Variants in METTL8 observed in about 807,000 individuals in gnomAD.
The protein encoded by METTL8 is methyltransferase 8, tRNA N3-cytidine, also known as tRNA N(3)-cytidine methyltransferase METTL8, mitochondrial.
In METTL8, 32 loss-of-function variants were observed where a neutral mutation model predicts 48.7. The ratio of observed to expected loss-of-function variants is 0.66; its 90% CI spans 0.50 to 0.88. The LOEUF (loss-of-function observed/expected upper bound fraction) is 0.88, where lower values mean the gene tolerates loss of function less well. Ranked by LOEUF, METTL8 falls within the 40% of genes least tolerant of loss-of-function variation. The pLI is 0.00. For missense variants in METTL8, 464 were observed against 474.4 expected (o/e 0.98, Z 0.20); for synonymous variants, 136 against 157.1 (o/e 0.87, Z 1.01).
At chr2:171,373,492 A>C (rs187214728) in intron 2 of METTL8, among the ~76,000 whole-genome samples, 55 of 151,752 alleles carry the variant, frequency 3.6e-4, no homozygotes, top group Non-Finnish European at 6.5e-4. Flanking sequence ...TAATTAGATC[A>C]CATTTGTCAA....
At chr2:171,397,269 T>G (rs1349536296) in intron 1 of METTL8, among the ~76,000 whole-genome samples, 2 of 144,316 alleles carry the variant, frequency 1.4e-5, no homozygotes, top group East Asian at 4.4e-4. Flanking sequence ...ATCTCAGAGC[T>G]TTGGGAGGGA....
intron 2 of METTL8, among the ~76,000 whole-genome samples, chr2:171,387,883 C>T (rs62181356): frequency 0.18 from 26,976 of 152,042 alleles, 2,961 homozygotes; most frequent in Admixed American, 0.28. Context: ...CCTTCCTAGC[C>T]CCAGAGATGC....
At position 171,398,635 on chromosome 2, in the gene METTL8, G is replaced by A. The variant is rs1016620950; in HGVS notation, c.-12-6438C>T. On this transcript the variant is annotated intron_variant, in intron 1 of 9. Coordinates refer to ENST00000375258, the MANE Select transcript of METTL8 (RefSeq NM_001321154.2). ...CTACAGATCTAATGTACAATACGAG[G>A]ACTACAGTTAATAATATTGTATTAT... Among the ~76,000 whole-genome samples, 3 of 152,154 alleles carry A rather than the reference G, an allele frequency of 2.0e-5. No homozygotes were observed. In the South Asian group the frequency reaches 6.2e-4, roughly 32 times the overall value.
At chr2:171,330,793 T>C in intron 6 of METTL8, 95 bp from the exon 7 acceptor site, 1 of 1,016,732 alleles carries the variant, frequency 9.8e-7, no homozygotes, top group Non-Finnish European at 1.4e-6. Context: ...TTTAACCTTT[T>C]CTCCCAAAAG....
intron 2 of METTL8, among the ~76,000 whole-genome samples, chr2:171,365,555 A>G (rs1270393625): frequency 6.6e-6 from 1 of 152,080 alleles, no homozygotes; most frequent in Admixed American, 6.6e-5. Flanking sequence ...TTTCTTTCTA[A>G]TTCCTTTGTC....
At chr2:171,363,814 A>ATGTATATATATATATATATATATATATAT (rs1450355003) in intron 2 of METTL8, among the ~76,000 whole-genome samples, 1 of 131,184 alleles carries the variant, frequency 7.6e-6, no homozygotes, top group African/African-American at 2.7e-5. Flanking sequence ...ATATATATAT[A>ATGTATATATATATATATATATATATATAT]TCTTTTTTTT....
intron 3 of METTL8, among the ~76,000 whole-genome samples, chr2:171,347,064 G>A (rs1683343848): frequency 6.6e-6 from 1 of 152,202 alleles, no homozygotes; most frequent in South Asian, 2.1e-4. Flanking sequence ...TCCCTGCAGT[G>A]GTCCCCTGAC....
chr2:171,380,347 G>T (rs752974689), intron 2 of METTL8, among the ~76,000 whole-genome samples: 1 of 152,194 alleles, frequency 6.6e-6, no homozygotes, highest in South Asian at 2.1e-4. Flanking sequence ...ATAAGACAAG[G>T]ATGCCCTCTC....
intron 4 of METTL8, 21 bp from the exon 5 acceptor site, chr2:171,337,523 A>C (rs776605733): frequency 1.1e-5 from 17 of 1,586,128 alleles, no homozygotes; most frequent in Non-Finnish European, 1.4e-5. Flanking sequence ...AAGAACAAGC[A>C]AATATCAAAA....
chr2:171,393,432 T>TTA (rs1317762999), intron 1 of METTL8, among the ~76,000 whole-genome samples: 68 of 140,212 alleles, frequency 4.8e-4, no homozygotes, highest in African/African-American at 1.8e-3. Context: ...AAAAGCATGC[T>TTA]TATACCCTAG....
At chr2:171,330,250 G>A (rs773490895) in intron 7 of METTL8, among the ~76,000 whole-genome samples, 11 of 152,162 alleles carry the variant, frequency 7.2e-5, no homozygotes, top group Non-Finnish European at 1.5e-4. Context: ...TCCCTCTTGG[G>A]AGTCTATTAG....
chr2:171,325,759 A>G, intron 9 of METTL8, 82 bp downstream of exon 9: 1 of 832,452 alleles, frequency 1.2e-6, no homozygotes, highest in Non-Finnish European at 1.9e-6. Flanking sequence ...CCTCAGTTTC[A>G]TAGCTTCTGA....
chr2:171,351,701 A>C (rs567575889), intron 3 of METTL8, among the ~76,000 whole-genome samples: 182 of 152,200 alleles, frequency 1.2e-3, no homozygotes, highest in Non-Finnish European at 2.0e-3. Context: ...TTGGATTCCT[A>C]GGTATTTTAT....
rs575389164 is a variant in METTL8 at position 171,431,522 on chromosome 2, A to G, written c.-13+2361T>C. Among the ~76,000 whole-genome samples, 11 of 152,320 alleles carry G rather than the reference A, an allele frequency of 7.2e-5. No homozygotes were observed. The South Asian group carries it at 2.3e-3, about 32-fold the overall frequency. On this transcript the variant is annotated intron_variant, in intron 1 of 9. Coordinates refer to ENST00000375258, the MANE Select transcript of METTL8 (RefSeq NM_001321154.2). ...AGACCTAGCTGAGCTAAGAGCAAAA[A>G]TCCTGCATCAAGAGCTGTTTTGTTG...
intron 5 of METTL8, among the ~76,000 whole-genome samples, chr2:171,334,384 C>G (rs1685870080): frequency 6.6e-6 from 1 of 152,116 alleles, no homozygotes; most frequent in Admixed American, 6.6e-5. Flanking sequence ...GTAAAATCAG[C>G]TGACTACCTT....
intron 2 of METTL8, among the ~76,000 whole-genome samples, chr2:171,379,676 C>A (rs374287098): frequency 6.6e-5 from 10 of 152,228 alleles, no homozygotes; most frequent in African/African-American, 2.2e-4. Flanking sequence ...TTCCTGGACA[C>A]GTACACCCTC....
At chr2:171,326,179 A>G (rs917880222) in intron 7 of METTL8, 31 bp from the exon 8 acceptor site, 3 of 1,203,984 alleles carry the variant, frequency 2.5e-6, no homozygotes, top group Non-Finnish European at 3.5e-6. Flanking sequence ...AAAGATACCC[A>G]GTTTGTAGAA....
Position 171,316,238 on chromosome 2 carries a change from G to C in METTL8, c.*7934C>G, listed in dbSNP as rs532657635. Among the ~76,000 whole-genome samples, 1 of 152,174 alleles carries C rather than the reference G, an allele frequency of 6.6e-6. No homozygotes were observed. Among genetic ancestry groups the C allele is most frequent in the East Asian group, 1.9e-4 (1 of 5,194 alleles). ...ATGAGCAGGACTTAATTCTCATGCC[G>C]GCATGGGGCTGCCGGGCACCCAGCT... On this transcript the variant is annotated 3_prime_UTR_variant, in exon 10 of 10. Coordinates refer to ENST00000375258, the MANE Select transcript of METTL8 (RefSeq NM_001321154.2).
intron 3 of METTL8, among the ~76,000 whole-genome samples, chr2:171,357,064 T>C (rs1335056502): frequency 6.6e-6 from 1 of 150,784 alleles, no homozygotes; most frequent in East Asian, 2.0e-4. Flanking sequence ...TTCAAGTGAT[T>C]CTCCCACCTC....
Sources: gnomAD v4.1 joint callset for allele counts (sites outside exome capture counted in the v4.1 genomes callset) on GRCh38, gnomAD v4.1.1 for gene constraint, MANE v1.5 for transcripts, NCBI Gene and HGNC (gene_info 2026-07-23, HGNC 2026-07-21) for gene names.